GLIPR2: variants seen among roughly 807,000 people sequenced by gnomAD.
The protein encoded by GLIPR2 is GLI pathogenesis related 2, also known as Golgi-associated plant pathogenesis-related protein 1.
Under a neutral mutation model 20.4 loss-of-function variants are expected in GLIPR2, and 21 were observed. The observed-to-expected ratio is 1.03, with a 90% confidence interval of 0.73 to 1.48. GLIPR2 has a LOEUF of 1.48. Ranked by LOEUF, GLIPR2 falls within the 40% of genes most tolerant of loss-of-function variation. GLIPR2 has a pLI of 0.00. For synonymous variants in GLIPR2, 91 were observed against 80.5 expected (o/e 1.13, Z -0.70); for missense variants, 205 against 200.1 (o/e 1.02, Z -0.15).
At chr9:36,155,345 A>G (rs1010124217) in intron 4 of GLIPR2, among the ~76,000 whole-genome samples, 3 of 152,372 alleles carry the variant, frequency 2.0e-5, no homozygotes, top group Middle Eastern at 3.4e-3. Context: ...CTGTAATCCC[A>G]GCACTTTGGG....
chr9:36,136,683 G>A, upstream of GLIPR2: 3 of 925,010 alleles, frequency 3.2e-6, no homozygotes, highest in Non-Finnish European at 4.2e-6. The surrounding 1 kb of genome is among the most constrained non-coding windows in gnomAD (Gnocchi z 4.3). Context: ...AGGAGGGGCC[G>A]CGGCATCAGC....
At position 36,136,778 on chromosome 9, in the gene GLIPR2, C is replaced by T; in HGVS notation, c.-1C>T. Reference sequence around the variant, plus strand: ...GGAGCGAGGAGCGCGCGGAGCCGGCCATGGGCAAGTCAGGTGAGCCCGCGG... The same window carrying T: ...GGAGCGAGGAGCGCGCGGAGCCGGCTATGGGCAAGTCAGGTGAGCCCGCGG... On this transcript the variant is annotated 5_prime_UTR_variant, in exon 1 of 5. Coordinates refer to ENST00000377960, the MANE Select transcript of GLIPR2 (RefSeq NM_022343.4). This position sits in a 1 kb window ranked among gnomAD's most constrained non-coding sequence, Gnocchi z 4.3. 1.5e-6 allele frequency: 2 copies of T among 1,301,864 alleles called. No individual in the cohort carries two copies. Among genetic ancestry groups the T allele is most frequent in the South Asian group, 2.3e-5 (1 of 43,446 alleles). 80.6% of individuals were successfully genotyped at this position (1,301,864 alleles called of 1,614,324 possible).
Position 36,162,684 on chromosome 9 carries a change from G to A in GLIPR2, c.*162G>A. Reference sequence around the variant, plus strand: ...CACACACTTGGACATACAGTTCTGTGTGCGCTCATTCTTATTACAGGAGTG... The same window carrying A: ...CACACACTTGGACATACAGTTCTGTATGCGCTCATTCTTATTACAGGAGTG... On this transcript the variant is annotated 3_prime_UTR_variant, in exon 5 of 5. Coordinates refer to ENST00000377960, the MANE Select transcript of GLIPR2 (RefSeq NM_022343.4). The A allele has an allele frequency of 1.4e-6, 1 of 701,376 alleles. No homozygotes were observed. The highest frequency in any genetic ancestry group is 2.7e-5 in the East Asian group (1 of 36,618). The allele number at this position is 701,376 out of a possible 1,614,324, so 43.4% of individuals were successfully genotyped here. A position where few individuals can be genotyped will look rare whatever the true frequency, so the allele number is the denominator to read the frequency against.
At chr9:36,141,782 T>A (rs1825096020) in intron 1 of GLIPR2, 3 of 452,916 alleles carry the variant, frequency 6.6e-6, no homozygotes, top group Non-Finnish European at 1.3e-5. Context: ...GTCTCCCGAG[T>A]AGCTGGGACC....
intron 3 of GLIPR2, among the ~76,000 whole-genome samples, chr9:36,148,907 G>A (rs917995389): frequency 4.6e-5 from 7 of 152,154 alleles, no homozygotes; most frequent in African/African-American, 7.2e-5. Context: ...CCCCACTTTC[G>A]GAGAAGCTCC....
At position 36,150,023 on chromosome 9, in the gene GLIPR2, C is replaced by T. The variant is rs533672585; in HGVS notation, c.227-849C>T. Among the ~76,000 whole-genome samples, 5 of 152,268 alleles carry T rather than the reference C, an allele frequency of 3.3e-5. No individual in the cohort carries two copies. In the East Asian group the frequency reaches 7.7e-4, roughly 24 times the overall value. The stretch of plus-strand genomic sequence containing the variant: ...AGCTTGGGCAACAAGAGCGAAACTC[C>T]GTCTCAGAAAACAAAACAAACCAAA... On this transcript the variant is annotated intron_variant, in intron 3 of 4. Transcript: ENST00000377960.
chr9:36,159,988 GT>G (rs1266224712), intron 4 of GLIPR2, among the ~76,000 whole-genome samples: 11 of 152,178 alleles, frequency 7.2e-5, no homozygotes, highest in African/African-American at 2.2e-4. Context: ...AAATAAAAGG[GT>G]GTTTGCAAAC....
chr9:36,145,554 G>A (rs547663034), intron 1 of GLIPR2, among the ~76,000 whole-genome samples: 17 of 152,340 alleles, frequency 1.1e-4, no homozygotes, highest in Non-Finnish European at 2.2e-4. Context: ...GAGGATAGAT[G>A]GATGGACCTT....
chr9:36,155,082 G>A (rs938051566), intron 4 of GLIPR2, among the ~76,000 whole-genome samples: 2 of 152,206 alleles, frequency 1.3e-5, no homozygotes, highest in Non-Finnish European at 2.9e-5. Flanking sequence ...TATTCTGGGT[G>A]GAAACCAGAG....
intron 4 of GLIPR2, among the ~76,000 whole-genome samples, chr9:36,154,108 C>A (rs2094455): frequency 3.5e-5 from 5 of 144,454 alleles, no homozygotes; most frequent in African/African-American, 5.1e-5. Flanking sequence ...TTTTCCCCCC[C>A]CCTTTGAGAC....
chr9:36,137,250 G>T (rs942933492), intron 1 of GLIPR2, among the ~76,000 whole-genome samples: 2 of 152,160 alleles, frequency 1.3e-5, no homozygotes, highest in Non-Finnish European at 2.9e-5. Context: ...CCTGTGCTAG[G>T]CTCGGTCTGG....
chr9:36,162,779 GTTT>G lies in GLIPR2; in HGVS notation c.*267_*269del. 2 of 401,808 alleles carry G rather than the reference GTTT, an allele frequency of 5.0e-6. No homozygotes were observed. Among genetic ancestry groups the G allele is most frequent in the East Asian group, 5.3e-5 (1 of 18,790 alleles). 24.9% of individuals were successfully genotyped at this position (401,808 alleles called of 1,614,324 possible). A position where few individuals can be genotyped will look rare whatever the true frequency, so the allele number is the denominator to read the frequency against. On this transcript the variant is annotated 3_prime_UTR_variant, in exon 5 of 5. Transcript: ENST00000377960. ...TTTGGATTGGGGGGAGGGGGGATCC[GTTT>G]TTTTTTTTTAATTTTTTGTTATTTC...
chr9:36,141,467 G>T (rs533179968), intron 1 of GLIPR2, among the ~76,000 whole-genome samples: 9,840 of 151,970 alleles, frequency 0.065, 436 homozygotes, highest in Non-Finnish European at 0.1. Flanking sequence ...GGGGGCAGGG[G>T]GCCTGTTCAC....
chr9:36,153,712 C>A (rs1333379389), intron 4 of GLIPR2, among the ~76,000 whole-genome samples: 1 of 151,992 alleles, frequency 6.6e-6, no homozygotes, highest in Admixed American at 6.6e-5. Context: ...ATCAGCCTGG[C>A]CAACATGGTG....
At chr9:36,146,750 C>T (rs1825344548) in intron 1 of GLIPR2, among the ~76,000 whole-genome samples, 1 of 152,182 alleles carries the variant, frequency 6.6e-6, no homozygotes, top group Non-Finnish European at 1.5e-5. Context: ...ATTCCCTCTC[C>T]TGCCTCCTGG....
chr9:36,154,140 G>A (rs541917508), intron 4 of GLIPR2, among the ~76,000 whole-genome samples: 19 of 144,426 alleles, frequency 1.3e-4, no homozygotes, highest in Admixed American at 1.1e-3. Context: ...CCGTTGCCCC[G>A]GCTGAGTGCA....
intron 1 of GLIPR2, among the ~76,000 whole-genome samples, chr9:36,138,310 C>T (rs553445759): frequency 2.6e-5 from 4 of 152,032 alleles, no homozygotes; most frequent in Admixed American, 1.3e-4. Context: ...CTGCAACCTC[C>T]GCCTCCCAGG....
chr9:36,162,456 C>A lies in GLIPR2; in HGVS notation c.399C>A (p.Tyr133Ter), dbSNP rs144508269. The change falls in exon 5 of 5, where the codon TAC becomes TAA. Residue 133 changes from tyrosine to a stop codon, truncating the protein, a stop_gained. Transcript: ENST00000377960. LOFTEE classifies it high-confidence loss of function. Reference sequence around the variant, plus strand: ...GGTCCTCCTTTGTGGTGGCCAGATACTTCCCAGCGGGGAATGTTGTCAATG... The same window carrying A: ...GGTCCTCCTTTGTGGTGGCCAGATAATTCCCAGCGGGGAATGTTGTCAATG... ...SDGSSFVVAR[Y>*]FPAGNVVNEG... 1.9e-6 allele frequency: 3 copies of A among 1,614,134 alleles called. No homozygotes were observed. The highest frequency in any genetic ancestry group is 2.2e-5 in the South Asian group (2 of 91,086).
At chr9:36,143,657 C>T (rs1825190978) in intron 1 of GLIPR2, among the ~76,000 whole-genome samples, 1 of 152,144 alleles carries the variant, frequency 6.6e-6, no homozygotes, top group Admixed American at 6.5e-5. Flanking sequence ...TTCATCTTGT[C>T]TCCTCTCACT....
Sources: gnomAD v4.1 joint callset for allele counts (sites outside exome capture counted in the v4.1 genomes callset) on GRCh38, gnomAD v4.1.1 for gene constraint, Gnocchi (gnomAD v3.1) non-coding constraint, MANE v1.5 for transcripts, NCBI Gene and HGNC (gene_info 2026-07-23, HGNC 2026-07-21) for gene names.